DLG1: variants seen among roughly 807,000 people sequenced by gnomAD.
The protein encoded by DLG1 is disks large homolog 1.
In DLG1, 42 loss-of-function variants were observed where a neutral mutation model predicts 123.4. The ratio of observed to expected loss-of-function variants is 0.34; its 90% CI spans 0.27 to 0.44. DLG1 has a LOEUF of 0.44. Among genes scored for constraint, DLG1 ranks in the 20% least tolerant of loss-of-function variants. The pLI is 1.00. For synonymous variants in DLG1, 317 were observed against 356.2 expected (o/e 0.89, Z 1.24); for missense variants, 942 against 1,082.6 (o/e 0.87, Z 1.82).
intron 4 of DLG1, among the ~76,000 whole-genome samples, chr3:197,264,830 A>G (rs1011612242): frequency 2.6e-5 from 4 of 152,192 alleles, no homozygotes; most frequent in African/African-American, 7.2e-5. Context: ...TTCTGGTCCC[A>G]AGTATTTTGG....
At position 197,284,447 on chromosome 3, in the gene DLG1, T is replaced by C. The variant is rs182680543; in HGVS notation, c.152-1602A>G. ...AAATTTACTACCTAGTATAAAATGA[T>C]AGTCTTTCAATAAACCTATGCAAAA... On this transcript the variant is annotated intron_variant, in intron 3 of 24. Transcript: ENST00000667157. Among the ~76,000 whole-genome samples the C allele has an allele frequency of 2.7e-3, 410 of 152,300 alleles. 3 individuals are homozygous for C. The highest frequency in any genetic ancestry group is 9.3e-3 in the African/African-American group (388 of 41,554).
At chr3:197,230,951 T>C (rs1265748930) in intron 4 of DLG1, among the ~76,000 whole-genome samples, 1 of 149,862 alleles carries the variant, frequency 6.7e-6, no homozygotes, top group African/African-American at 2.5e-5. Flanking sequence ...TAGTATGTTA[T>C]TTAATCATCT....
At position 197,210,898 on chromosome 3, in the gene DLG1, A is replaced by T. The variant is rs138941324; in HGVS notation, c.319-16309T>A. ...AAAATGACACAAATATCCTTCATGA[A>T]CACAAATGCAAGAATCCTTTTTAAA... On this transcript the variant is annotated intron_variant, in intron 4 of 24. Coordinates refer to ENST00000667157, the MANE Select transcript of DLG1 (RefSeq NM_001366207.1). Among the ~76,000 whole-genome samples, 334 of 146,010 alleles carry T rather than the reference A, an allele frequency of 2.3e-3. 34 individuals are homozygous for T. The East Asian group carries it at 0.04, about 17-fold the overall frequency.
intron 2 of DLG1, chr3:197,296,870 A>T: frequency 2.7e-6 from 1 of 368,862 alleles, no homozygotes; most frequent in Non-Finnish European, 4.9e-6. Flanking sequence ...TTAGTATCCC[A>T]CAGTTGCTTA....
chr3:197,284,001 C>T (rs1314305079), intron 3 of DLG1, among the ~76,000 whole-genome samples: 1 of 151,668 alleles, frequency 6.6e-6, no homozygotes, highest in Non-Finnish European at 1.5e-5. Context: ...GCTGGGACTT[C>T]AGGCACGTGC....
intron 5 of DLG1, among the ~76,000 whole-genome samples, chr3:197,152,762 CAAAA>C (rs63446260): frequency 1.9e-5 from 1 of 52,532 alleles, no homozygotes; most frequent in Admixed American, 2.3e-4. Context: ...GACTCTGTCT[CAAAA>C]AAAAAAAAAA....
In DLG1 at chr3:197,043,227, G is replaced by C. The variant is rs994787170; in HGVS notation, c.*1396C>G. ...GCAGTGGATGAAAGCTGTCTGAGGG[G>C]AAAACACACACATAAATGGGGCTTT... On this transcript the variant is annotated 3_prime_UTR_variant, in exon 25 of 25. Transcript: ENST00000667157. 1.3e-5 allele frequency: 2 copies of C among 151,956 alleles called. No homozygotes were observed. Among genetic ancestry groups the C allele is most frequent in the Non-Finnish European group, 2.9e-5 (2 of 67,942 alleles). 9.4% of individuals were successfully genotyped at this position (151,956 alleles called of 1,614,324 possible).
Position 197,147,016 on chromosome 3 carries a change from C to T in DLG1, c.537+2727G>A, listed in dbSNP as rs868176313. Among the ~76,000 whole-genome samples, 5 of 152,040 alleles carry T rather than the reference C, an allele frequency of 3.3e-5. No homozygotes were observed. The South Asian group carries it at 8.3e-4, about 25-fold the overall frequency. Reference sequence around the variant, plus strand: ...AATAGAAAATTCTCAAAGGAAGATACGCAAATGGCTGACAAGCATATGGAA... The same window carrying T: ...AATAGAAAATTCTCAAAGGAAGATATGCAAATGGCTGACAAGCATATGGAA... On this transcript the variant is annotated intron_variant, in intron 6 of 24. Transcript: ENST00000667157.
At chr3:197,294,599 A>G (rs338212) in intron 3 of DLG1, among the ~76,000 whole-genome samples, 84,761 of 149,548 alleles carry the variant, frequency 0.57, 24,492 homozygotes, top group East Asian at 0.79. Context: ...CGGAGCTTGC[A>G]GTGAGCGGAG....
intron 6 of DLG1, among the ~76,000 whole-genome samples, chr3:197,148,000 T>C (rs1791826048): frequency 6.6e-6 from 1 of 151,204 alleles, no homozygotes; most frequent in Non-Finnish European, 1.5e-5. Flanking sequence ...TTCAGCAAGG[T>C]TGTAGGATAA....
chr3:197,059,556 G>C (rs1734318709), intron 23 of DLG1, among the ~76,000 whole-genome samples: 1 of 150,756 alleles, frequency 6.6e-6, no homozygotes, highest in Admixed American at 6.6e-5. Flanking sequence ...TTTGTCCCCT[G>C]AAAGTATTAG....
chr3:197,265,716 G>C (rs1560074219), intron 4 of DLG1, among the ~76,000 whole-genome samples: 2 of 152,124 alleles, frequency 1.3e-5, no homozygotes, highest in Non-Finnish European at 2.9e-5. Flanking sequence ...TGGGCAGTGG[G>C]GATAGCCTTC....
chr3:197,128,480 C>T (rs1022274117), intron 11 of DLG1, among the ~76,000 whole-genome samples: 1 of 152,164 alleles, frequency 6.6e-6, no homozygotes, highest in African/African-American at 2.4e-5. Flanking sequence ...CCAAGTCATC[C>T]AAGAGGGCTG....
intron 12 of DLG1, among the ~76,000 whole-genome samples, chr3:197,118,066 CATTATTACAAAGTAGTGTG>C (rs1221941229): frequency 2.6e-5 from 4 of 151,818 alleles, no homozygotes; most frequent in Non-Finnish European, 4.4e-5. Flanking sequence ...TTTTATACTT[CATTATTACAAAGTAGTGTG>C]ATTATCAAAA....
chr3:197,271,962 C>T (rs766398516), intron 4 of DLG1, among the ~76,000 whole-genome samples: 2 of 152,184 alleles, frequency 1.3e-5, no homozygotes, highest in African/African-American at 2.4e-5. Flanking sequence ...AAAATGCACA[C>T]ACCTCAGACA....
At chr3:197,274,072 A>C (rs1356456555) in intron 4 of DLG1, among the ~76,000 whole-genome samples, 1 of 152,204 alleles carries the variant, frequency 6.6e-6, no homozygotes, top group Non-Finnish European at 1.5e-5. Flanking sequence ...ATAAAATACC[A>C]GTGACATTCT....
intron 4 of DLG1, among the ~76,000 whole-genome samples, chr3:197,203,468 A>C (rs191696089): frequency 3.4e-4 from 52 of 152,268 alleles, no homozygotes; most frequent in Non-Finnish European, 4.7e-4. Flanking sequence ...GTATCTCATG[A>C]ATCCAGTACA....
chr3:197,224,292 C>A (rs1254518391), intron 4 of DLG1, among the ~76,000 whole-genome samples: 1 of 151,986 alleles, frequency 6.6e-6, no homozygotes, highest in African/African-American at 2.4e-5. Flanking sequence ...TAGTCATGAG[C>A]AATGCCATGT....
chr3:197,114,351 G>A (rs1771820175), intron 13 of DLG1, among the ~76,000 whole-genome samples: 1 of 152,084 alleles, frequency 6.6e-6, no homozygotes, highest in South Asian at 2.1e-4. Flanking sequence ...CAAGCAGCCA[G>A]CAAACCCCCA....
Sources: gnomAD v4.1 joint callset for allele counts (sites outside exome capture counted in the v4.1 genomes callset) on GRCh38, gnomAD v4.1.1 for gene constraint, MANE v1.5 for transcripts, NCBI Gene and HGNC (gene_info 2026-07-23, HGNC 2026-07-21) for gene names.